BUB1: variants seen among roughly 807,000 people sequenced by gnomAD.
The protein encoded by BUB1 is BUB1 mitotic checkpoint serine/threonine kinase.
BUB1 carries 84 observed loss-of-function variants against 135.2 expected under a neutral mutation model. The observed-to-expected ratio is 0.62, with a 90% confidence interval of 0.52 to 0.74. The LOEUF is 0.74. Among genes scored for constraint, BUB1 ranks in the 30% least tolerant of loss-of-function variants. The pLI, the probability that BUB1 is intolerant of heterozygous loss-of-function variation, is 0.00. For missense variants in BUB1, 1,162 were observed against 1,288.3 expected, an observed-to-expected ratio of 0.90 and a Z score of 1.50; for synonymous variants, 403 against 434.4, an observed-to-expected ratio of 0.93 and a Z score of 0.90.
In BUB1 at chr2:110,638,152, G is replaced by A; in HGVS notation, c.3070C>T (p.His1024Tyr). ...AAAAATTCATTCCACATATCCAAAT[G>A]AGGAAGCCTGAAAAAGACAAAGCAT... ...KPEGLFRRLP[H>Y]LDMWNEFFHV... Residue 1024 changes from histidine (H) to tyrosine (Y), a missense_variant, in exon 25 of 25, where the codon CAT becomes TAT. Physicochemically the swap from His to Tyr is moderately conservative, Grantham distance 83 (BLOSUM62 2). Transcript: ENST00000302759. 6.3e-7 allele frequency: 1 copy of A among 1,591,756 alleles called. No homozygotes were observed. The highest frequency in any genetic ancestry group is 8.5e-7 in the Non-Finnish European group (1 of 1,170,050).
At chr2:110,653,062 AT>A (rs1375590139) in intron 17 of BUB1, among the ~76,000 whole-genome samples, 1 of 152,214 alleles carries the variant, frequency 6.6e-6, no homozygotes, top group Admixed American at 6.5e-5. Context: ...ACCAGGTTGC[AT>A]TTAGTTGCTA....
chr2:110,653,657 A>G, intron 16 of BUB1, 134 bp from the exon 17 acceptor site: 1 of 728,758 alleles, frequency 1.4e-6, no homozygotes. Context: ...ATAGTGTTCC[A>G]TTGTAAAATG....
At chr2:110,667,883 T>G in intron 6 of BUB1, 34 bp from the exon 7 acceptor site, 1 of 1,598,844 alleles carries the variant, frequency 6.3e-7, no homozygotes, top group African/African-American at 1.3e-5. Flanking sequence ...AGCATTCACT[T>G]ATCTGAGAAG....
In BUB1 at chr2:110,666,257, A is replaced by G. The variant is rs765154934; in HGVS notation, c.957+6T>C. 5.8e-6 allele frequency: 8 copies of G among 1,390,506 alleles called. No homozygotes were observed. The highest frequency in any genetic ancestry group is 7.5e-6 in the Non-Finnish European group (8 of 1,062,724). The allele number at this position is 1,390,506 out of a possible 1,614,324, so 86.1% of individuals were successfully genotyped here. A position where few individuals can be genotyped will look rare whatever the true frequency, so the allele number is the denominator to read the frequency against. ...CACAGGATGTGTCATGAGGAGCACA[A>G]CATACCTCGGACCTTTCCTGGGAAG... On this transcript the variant is annotated splice_donor_region_variant and intron_variant, in intron 9 of 24. Coordinates refer to ENST00000302759, the MANE Select transcript of BUB1 (RefSeq NM_004336.5).
chr2:110,664,612 AGT>A (rs1005598218), intron 9 of BUB1, among the ~76,000 whole-genome samples: 12 of 150,142 alleles, frequency 8.0e-5, no homozygotes, highest in African/African-American at 3.0e-4. Context: ...TACTGGAGAA[AGT>A]GTGCCTTCGA....
rs1368071982 is a variant in BUB1 at position 110,655,790 on chromosome 2, T to C, written c.1825A>G (p.Thr609Ala). The C allele has an allele frequency of 2.4e-5, 38 of 1,613,900 alleles. No individual in the cohort carries two copies. The highest frequency in any genetic ancestry group is 3.2e-5 in the Non-Finnish European group (38 of 1,179,934). ...DFTSAAQLAS[T>A]PFHKLPVESV... is the part of the protein sequence containing the mutation. ...TCCACTGGAAGCTTGTGGAATGGTGTAGACGCAAGTTGTGCAGCAGATGTG... is the reference window on the plus strand; with the variant it reads ...TCCACTGGAAGCTTGTGGAATGGTGCAGACGCAAGTTGTGCAGCAGATGTG... The change falls in exon 16 of 25, where the codon ACA (threonine) becomes GCA (alanine). Residue 609 changes from threonine to alanine, a missense_variant. Thr to Ala is a moderately conservative substitution (Grantham distance 58, BLOSUM62 0). Transcript: ENST00000302759.
At chr2:110,662,037 CT>C (rs1190831296) in intron 9 of BUB1, 196 bp from the exon 10 acceptor site, 2 of 599,862 alleles carry the variant, frequency 3.3e-6, no homozygotes, top group Middle Eastern at 4.3e-4. Context: ...AAAATGGATG[CT>C]TTGTAGCTTC....
chr2:110,663,168 T>C (rs1166126953), intron 9 of BUB1, among the ~76,000 whole-genome samples: 1 of 152,052 alleles, frequency 6.6e-6, no homozygotes, highest in Non-Finnish European at 1.5e-5. Flanking sequence ...TAATCCCAGC[T>C]GCTCAGGAGG....
chr2:110,664,529 A>G (rs149613534), intron 9 of BUB1, among the ~76,000 whole-genome samples: 54 of 151,904 alleles, frequency 3.6e-4, no homozygotes, highest in Non-Finnish European at 7.1e-4. Flanking sequence ...GCTTTTAGAC[A>G]TGCAAGAGAC....
chr2:110,637,675 G>A lies in BUB1; in HGVS notation c.*289C>T, dbSNP rs1689398943. On this transcript the variant is annotated 3_prime_UTR_variant, in exon 25 of 25. Coordinates refer to ENST00000302759, the MANE Select transcript of BUB1 (RefSeq NM_004336.5). Reference sequence around the variant, plus strand: ...AAAATAGCTGTCTTGGCCCTTTTTTGGCTTAAACAGGTCAGTGTTTAAAAA... The same window carrying A: ...AAAATAGCTGTCTTGGCCCTTTTTTAGCTTAAACAGGTCAGTGTTTAAAAA... 1 of 209,908 alleles carries A rather than the reference G, an allele frequency of 4.8e-6. No individual in the cohort carries two copies. The highest frequency in any genetic ancestry group is 9.3e-6 in the Non-Finnish European group (1 of 107,528). The allele number at this position is 209,908 out of a possible 1,614,324, so 13.0% of individuals were successfully genotyped here. A position where few individuals can be genotyped will look rare whatever the true frequency, so the allele number is the denominator to read the frequency against.
chr2:110,650,793 G>T lies in BUB1; in HGVS notation c.1965-9C>A. ...TTTTCTCTTGAATTGGACTGGACGT[G>T]TGAAAGGAATAAAGAAACCAAAACA... is the stretch of plus-strand genomic sequence containing the variant. On this transcript the variant is annotated splice_polypyrimidine_tract_variant and intron_variant, in intron 17 of 24. Transcript: ENST00000302759. 1 of 1,608,806 alleles carries T rather than the reference G, an allele frequency of 6.2e-7. No individual in the cohort carries two copies.
chr2:110,658,187 C>T (rs545410487), intron 13 of BUB1, among the ~76,000 whole-genome samples: 1 of 152,034 alleles, frequency 6.6e-6, no homozygotes, highest in African/African-American at 2.4e-5. Context: ...GGGGTTTTGT[C>T]CTTCTTTAGC....
chr2:110,671,502 G>C (rs1193488528), intron 4 of BUB1, among the ~76,000 whole-genome samples: 1 of 152,180 alleles, frequency 6.6e-6, no homozygotes, highest in African/African-American at 2.4e-5. Flanking sequence ...AAACTGAAAA[G>C]ATGAGTATAT....
At chr2:110,667,417 C>T in intron 8 of BUB1, 104 bp downstream of exon 8, 1 of 1,175,626 alleles carries the variant, frequency 8.5e-7, no homozygotes, top group Non-Finnish European at 1.2e-6. Flanking sequence ...GACTTTCTTG[C>T]AGTCTTTCAA....
chr2:110,641,911 A>G, intron 20 of BUB1, 108 bp from the exon 21 acceptor site: 1 of 1,254,804 alleles, frequency 8.0e-7, no homozygotes. Context: ...AGTGATGACA[A>G]GCTATGAACT....
At chr2:110,670,263 T>A (rs1690385524) in intron 5 of BUB1, among the ~76,000 whole-genome samples, 1 of 150,644 alleles carries the variant, frequency 6.6e-6, no homozygotes, top group Non-Finnish European at 1.5e-5. Flanking sequence ...CTCAGCCTCC[T>A]GAGTAGCCAG....
rs2104534208 is a variant in BUB1, at chr2:110,655,805, C to T, written c.1810G>A (p.Ala604Thr). Reference protein sequence around the residue: ...PKSPGDFTSAAQLASTPFHKL... With the variant: ...PKSPGDFTSATQLASTPFHKL... The stretch of plus-strand genomic sequence containing the variant: ...TGGAATGGTGTAGACGCAAGTTGTG[C>T]AGCAGATGTGAAGTCTCCTGGGCTC... The change falls in exon 16 of 25, where the codon GCA (alanine) becomes ACA (threonine). Residue 604 changes from alanine (A) to threonine (T), a missense_variant. Transcript: ENST00000302759. 6.2e-7 allele frequency: 1 copy of T among 1,613,948 alleles called. No homozygotes were observed. Among genetic ancestry groups the T allele is most frequent in the Non-Finnish European group, 8.5e-7 (1 of 1,179,910 alleles).
At chr2:110,669,617 C>T in intron 5 of BUB1, 64 bp from the exon 6 acceptor site, 2 of 1,032,148 alleles carry the variant, frequency 1.9e-6, no homozygotes, top group Non-Finnish European at 3.0e-6. Context: ...AAAATTATCA[C>T]ATAATAAATT....
chr2:110,665,939 T>A (rs1690239271), intron 9 of BUB1: 1 of 198,816 alleles, frequency 5.0e-6, no homozygotes, highest in Non-Finnish European at 1.0e-5. Context: ...TATATCTAAA[T>A]GATAAATTAT....
Sources: gnomAD v4.1 joint callset for allele counts (sites outside exome capture counted in the v4.1 genomes callset) on GRCh38, gnomAD v4.1.1 for gene constraint, MANE v1.5 for transcripts, NCBI Gene and HGNC (gene_info 2026-07-23, HGNC 2026-07-21) for gene names.